Variants in TMEM95 observed in about 807,000 individuals in gnomAD.
The protein encoded by TMEM95 is sperm-egg fusion protein TMEM95.
Under a neutral mutation model 27.7 loss-of-function variants are expected in TMEM95, and 21 were observed. The observed-to-expected ratio is 0.76, with a 90% CI of 0.54 to 1.09. TMEM95 has a LOEUF of 1.09. Among genes scored for constraint, TMEM95 ranks in the 50% least tolerant of loss-of-function variants. The probability of loss-of-function intolerance (pLI) is 0.00; values close to 1 mark genes in which losing one functional copy is unlikely to be tolerated. For synonymous variants in TMEM95, 77 were observed against 85.7 expected (o/e 0.90, Z 0.56); for missense variants, 203 against 217.9 (o/e 0.93, Z 0.43).
intron 6 of TMEM95, 28 bp downstream of exon 6, chr17:7,356,507 C>T: frequency 6.2e-7 from 1 of 1,612,954 alleles, no homozygotes; most frequent in Non-Finnish European, 8.5e-7. Flanking sequence ...GACAGGAATC[C>T]TACCCCGCCC....
At position 7,356,983 on chromosome 17, in the gene TMEM95, C is replaced by G. The variant is rs2143021278; in HGVS notation, c.*351C>G. On this transcript the variant is annotated 3_prime_UTR_variant, in exon 7 of 7. Coordinates refer to ENST00000576060, the MANE Select transcript of TMEM95 (RefSeq NM_001320436.2). The stretch of plus-strand genomic sequence containing the variant: ...TACGCCACTCCCACCACACCCACAC[C>G]CCCTTCTGCCTGTTCCGGGAAAGCG... 2.8e-6 allele frequency: 1 copy of G among 362,494 alleles called. No individual in the cohort carries two copies. Among genetic ancestry groups the G allele is most frequent in the East Asian group, 4.3e-5 (1 of 23,206 alleles). 22.5% of individuals were successfully genotyped at this position (362,494 alleles called of 1,614,324 possible).
Position 7,355,167 on chromosome 17 carries a change from C to A in TMEM95, c.-38C>A. 1 of 1,594,360 alleles carries A rather than the reference C, an allele frequency of 6.3e-7. No individual in the cohort carries two copies. The highest frequency in any genetic ancestry group is 8.5e-7 in the Non-Finnish European group (1 of 1,171,930). On this transcript the variant is annotated 5_prime_UTR_variant, in exon 1 of 7. Coordinates refer to ENST00000576060, the MANE Select transcript of TMEM95 (RefSeq NM_001320436.2). The surrounding 1 kb of genome is among the most constrained non-coding windows in gnomAD (Gnocchi z 4.9). ...CAGGGCTGCAGAGCATTCCTCGGCT[C>A]AGCTGGGGCAGCGCCGCCCCATCCC...
At chr17:7,356,170 A>C (rs2073496730) in intron 4 of TMEM95, 26 bp from the exon 5 acceptor site, 7 of 1,582,966 alleles carry the variant, frequency 4.4e-6, no homozygotes, top group Admixed American at 1.8e-5. Context: ...TCCCCTCCCC[A>C]GCGTTGCCTC....
At position 7,356,209 on chromosome 17, in the gene TMEM95, G is replaced by T; in HGVS notation, c.342G>T (p.Thr114=). 1 of 1,566,374 alleles carries T rather than the reference G, an allele frequency of 6.4e-7. No individual in the cohort carries two copies. The highest frequency in any genetic ancestry group is 8.7e-7 in the Non-Finnish European group (1 of 1,155,874). Residue 114 remains threonine, a synonymous_variant, in exon 5 of 7, where the codon ACG becomes ACT. Transcript: ENST00000576060. ...TGTCTCCTGCAGGGGGCAGCACCAC[G>T]CTGTACAACTGCTCCACCTGCAAGG... ...LCPPACRGST[T]LYNCSTCKGT...
rs1305519388 is a variant in TMEM95 at position 7,355,568 on chromosome 17, C to T, written c.170-18C>T. 1.3e-6 allele frequency: 2 copies of T among 1,553,484 alleles called. No individual in the cohort carries two copies. Among genetic ancestry groups the T allele is most frequent in the African/African-American group, 2.7e-5 (2 of 73,104 alleles). On this transcript the variant is annotated intron_variant, in intron 1 of 6. Coordinates refer to ENST00000576060, the MANE Select transcript of TMEM95 (RefSeq NM_001320436.2). This position sits in a 1 kb window ranked among gnomAD's most constrained non-coding sequence, Gnocchi z 4.9. ...CTGGGCTGATGAGGGAATCGCTGGT[C>T]CTTGCCCATCTCCACAGATGAGGTG...
At position 7,356,389 on chromosome 17, in the gene TMEM95, C is replaced by T; in HGVS notation, c.410-3C>T. 6.2e-7 allele frequency: 1 copy of T among 1,613,632 alleles called. No homozygotes were observed. Among genetic ancestry groups the T allele is most frequent in the Non-Finnish European group, 8.5e-7 (1 of 1,179,730 alleles). ...CATTCACTGCCTCCTGGGTTCCCTG[C>T]AGGAAGTCAGGATCTTTGGGAAGCC... is the stretch of plus-strand genomic sequence containing the variant. On this transcript the variant is annotated splice_polypyrimidine_tract_variant and splice_region_variant and intron_variant, in intron 5 of 6. Transcript: ENST00000576060.
At position 7,355,413 on chromosome 17, in the gene TMEM95, A is replaced by G; in HGVS notation, c.169+40A>G. The G allele has an allele frequency of 6.3e-7, 1 of 1,582,966 alleles. No individual in the cohort carries two copies. ...CCAGGGATGGGCCCAGCAAGCACTC[A>G]CCCCCCTACCCCCAGAGGGTGGCAT... is the stretch of plus-strand genomic sequence containing the variant. On this transcript the variant is annotated intron_variant, in intron 1 of 6. Coordinates refer to ENST00000576060, the MANE Select transcript of TMEM95 (RefSeq NM_001320436.2). The surrounding 1 kb of genome is among the most constrained non-coding windows in gnomAD (Gnocchi z 4.9).
Position 7,356,784 on chromosome 17 carries a change from G to A in TMEM95, c.*152G>A, listed in dbSNP as rs2073519151. On this transcript the variant is annotated 3_prime_UTR_variant, in exon 7 of 7. Coordinates refer to ENST00000576060, the MANE Select transcript of TMEM95 (RefSeq NM_001320436.2). ...AGACATCCCTGCTTCTGGTTGGTGA[G>A]ATAATGAAAAACAAGAAAATCCCCA... 6 of 836,342 alleles carry A rather than the reference G, an allele frequency of 7.2e-6. No homozygotes were observed. In the South Asian group the frequency reaches 1.2e-4, roughly 17 times the overall value. The allele number at this position is 836,342 out of a possible 1,614,324, so 51.8% of individuals were successfully genotyped here.
rs781511613 is a variant in TMEM95, at chr17:7,356,706, C to A, written c.*74C>A. On this transcript the variant is annotated 3_prime_UTR_variant, in exon 7 of 7. Coordinates refer to ENST00000576060, the MANE Select transcript of TMEM95 (RefSeq NM_001320436.2). The stretch of plus-strand genomic sequence containing the variant: ...AACTTCCACATCCCTTGGAGGGGAA[C>A]CAGTCAGCCCCTTAGTCCCAGCTCC... 25 of 1,514,520 alleles carry A rather than the reference C, an allele frequency of 1.7e-5. 1 individual carries two copies. Among genetic ancestry groups the A allele is most frequent in the Non-Finnish European group, 2.1e-5 (23 of 1,098,082 alleles). The allele number at this position is 1,514,520 out of a possible 1,614,324, so 93.8% of individuals were successfully genotyped here.
chr17:7,355,721 GC>G lies in TMEM95; in HGVS notation c.226+80del. The G allele has an allele frequency of 8.8e-7, 1 of 1,133,842 alleles. No homozygotes were observed. The highest frequency in any genetic ancestry group is 1.3e-6 in the Non-Finnish European group (1 of 759,402). The allele number at this position is 1,133,842 out of a possible 1,614,324, so 70.2% of individuals were successfully genotyped here. ...GGACGGGTGACAGGGGTTGGGGTGG[GC>G]AGGGAAGGGTGGAGGGGTAGAGACA... On this transcript the variant is annotated intron_variant, in intron 2 of 6. Coordinates refer to ENST00000576060, the MANE Select transcript of TMEM95 (RefSeq NM_001320436.2). This position sits in a 1 kb window ranked among gnomAD's most constrained non-coding sequence, Gnocchi z 4.9.
intron 6 of TMEM95, 34 bp downstream of exon 6, chr17:7,356,513 C>A: frequency 5.6e-6 from 9 of 1,612,110 alleles, no homozygotes; most frequent in Non-Finnish European, 6.8e-6. Context: ...AATCCTACCC[C>A]GCCCAGTGCC....
At position 7,355,226 on chromosome 17, in the gene TMEM95, G is replaced by A. The variant is rs1484922413; in HGVS notation, c.22G>A (p.Gly8Arg). 2.5e-5 allele frequency: 40 copies of A among 1,613,412 alleles called. No homozygotes were observed. The highest frequency in any genetic ancestry group is 2.2e-5 in the East Asian group (1 of 44,842). Residue 8 changes from glycine to arginine, a missense_variant, in exon 1 of 7, where the codon GGG (glycine) becomes AGG (arginine). Transcript: ENST00000576060. The surrounding 1 kb of genome is among the most constrained non-coding windows in gnomAD (Gnocchi z 4.9). Reference sequence around the variant, plus strand: ...CCTCATGTGGAGGCTGGCACTAGGCGGGGTTTTCCTGGCAGCCGCCCAGGC... The same window carrying A: ...CCTCATGTGGAGGCTGGCACTAGGCAGGGTTTTCCTGGCAGCCGCCCAGGC... MWRLALG[G>R]VFLAAAQACV...
In TMEM95 at chr17:7,356,471, C is replaced by T. The variant is rs528199884; in HGVS notation, c.489C>T (p.Leu163=). ...TCCTGCTTCTGGGTGTTCTGAGCCT[C>T]CTGGTGGAGTGAGTTTTGGGATAAA... ...GAFLLLGVLS[L]LVESHHLQAK... Residue 163 remains leucine, a synonymous_variant, in exon 6 of 7, where the codon CTC becomes CTT. Transcript: ENST00000576060. 12 of 1,614,046 alleles carry T rather than the reference C, an allele frequency of 7.4e-6. No homozygotes were observed. Among genetic ancestry groups the T allele is most frequent in the Middle Eastern group, 1.6e-4 (1 of 6,062 alleles).
In TMEM95 at chr17:7,355,969, A is replaced by C. The variant is rs751563182; in HGVS notation, c.307+51A>C. On this transcript the variant is annotated intron_variant, in intron 3 of 6. Coordinates refer to ENST00000576060, the MANE Select transcript of TMEM95 (RefSeq NM_001320436.2). This position sits in a 1 kb window ranked among gnomAD's most constrained non-coding sequence, Gnocchi z 4.9. ...GGGAGCCTAGGGTCTTAACCAAAGG[A>C]ATGTGTGGTGAGCAGCTCATCCATT... is the stretch of plus-strand genomic sequence containing the variant. 1 of 1,613,606 alleles carries C rather than the reference A, an allele frequency of 6.2e-7. No individual in the cohort carries two copies. Among genetic ancestry groups the C allele is most frequent in the Non-Finnish European group, 8.5e-7 (1 of 1,179,656 alleles).
chr17:7,355,973 T>A lies in TMEM95; in HGVS notation c.307+55T>A. Reference sequence around the variant, plus strand: ...GCCTAGGGTCTTAACCAAAGGAATGTGTGGTGAGCAGCTCATCCATTCACA... The same window carrying A: ...GCCTAGGGTCTTAACCAAAGGAATGAGTGGTGAGCAGCTCATCCATTCACA... On this transcript the variant is annotated intron_variant, in intron 3 of 6. Transcript: ENST00000576060. This position sits in a 1 kb window ranked among gnomAD's most constrained non-coding sequence, Gnocchi z 4.9. 6.2e-7 allele frequency: 1 copy of A among 1,613,356 alleles called. No homozygotes were observed. Among genetic ancestry groups the A allele is most frequent in the South Asian group, 1.1e-5 (1 of 91,068 alleles).
rs767365431 is a variant in TMEM95, at chr17:7,356,522, C to G, written c.497+43C>G. On this transcript the variant is annotated intron_variant, in intron 6 of 6. Coordinates refer to ENST00000576060, the MANE Select transcript of TMEM95 (RefSeq NM_001320436.2). ...GACAGGAATCCTACCCCGCCCAGTG[C>G]CTTCCACCACCCATCCTCCCTCCCT... 21 of 1,611,658 alleles carry G rather than the reference C, an allele frequency of 1.3e-5. No individual in the cohort carries two copies. In the South Asian group the frequency reaches 2.3e-4, roughly 18 times the overall value.
Position 7,355,984 on chromosome 17 carries a change from G to C in TMEM95, c.308-45G>C. The C allele has an allele frequency of 6.2e-7, 1 of 1,613,560 alleles. No homozygotes were observed. Among genetic ancestry groups the C allele is most frequent in the East Asian group, 2.2e-5 (1 of 44,864 alleles). ...TAACCAAAGGAATGTGTGGTGAGCAGCTCATCCATTCACACCCCCACCCCT... is the reference window on the plus strand; with the variant it reads ...TAACCAAAGGAATGTGTGGTGAGCACCTCATCCATTCACACCCCCACCCCT... On this transcript the variant is annotated intron_variant, in intron 3 of 6. Transcript: ENST00000576060. The surrounding 1 kb of genome is among the most constrained non-coding windows in gnomAD (Gnocchi z 4.9).
In TMEM95 at chr17:7,356,852, G is replaced by A. The variant is rs1163519651; in HGVS notation, c.*220G>A. 3 of 554,324 alleles carry A rather than the reference G, an allele frequency of 5.4e-6. No individual in the cohort carries two copies. The highest frequency in any genetic ancestry group is 3.1e-5 in the East Asian group (1 of 32,760). The allele number at this position is 554,324 out of a possible 1,614,324, so 34.3% of individuals were successfully genotyped here. ...CAATCCCAGTGTCAGATGGCCTCCC[G>A]GGAACCCAGGCACCCACAGCTGGAA... On this transcript the variant is annotated 3_prime_UTR_variant, in exon 7 of 7. Coordinates refer to ENST00000576060, the MANE Select transcript of TMEM95 (RefSeq NM_001320436.2).
Position 7,356,592 on chromosome 17 carries a change from C to G in TMEM95, c.498-7C>G, listed in dbSNP as rs9906417. 2.8e-4 allele frequency: 453 copies of G among 1,605,196 alleles called. 1 individual carries two copies. The African/African-American group carries it at 5.7e-3, about 20-fold the overall frequency. ...CCCGTAGGCTTCCCACCCTCGTCTT[C>G]CCTCAGGTCCCACCACCTCCAAGCA... On this transcript the variant is annotated splice_polypyrimidine_tract_variant and splice_region_variant and intron_variant, in intron 6 of 6. Coordinates refer to ENST00000576060, the MANE Select transcript of TMEM95 (RefSeq NM_001320436.2).
Sources: allele counts gnomAD v4.1 joint callset, GRCh38; gene constraint gnomAD v4.1.1; non-coding constraint Gnocchi (gnomAD v3.1); transcripts MANE v1.5; gene names NCBI Gene and HGNC (gene_info 2026-07-23, HGNC 2026-07-21).